The following HS6ST1 variants were observed in gnomAD, a reference collection of about 807,000 sequenced individuals.
HS6ST1 encodes heparan-sulfate 6-O-sulfotransferase 1.
Under a neutral mutation model 25.2 loss-of-function variants are expected in HS6ST1, and 3 were observed. The ratio of observed to expected loss-of-function variants is 0.12; its 90% confidence interval spans 0.05 to 0.31. The LOEUF is 0.31. Ranked by LOEUF, HS6ST1 falls within the 10% of genes least tolerant of loss-of-function variation. The pLI is 1.00. For synonymous variants in HS6ST1, 204 were observed against 275.1 expected, an observed-to-expected ratio of 0.74 and a Z score of 2.56; for missense variants, 310 against 609.6, an observed-to-expected ratio of 0.51 and a Z score of 5.18.
At chr2:128,311,626 C>T (rs1304143445) in intron 1 of HS6ST1, among the ~76,000 whole-genome samples, 1 of 152,358 alleles carries the variant, frequency 6.6e-6, no homozygotes, top group Admixed American at 6.5e-5. Flanking sequence ...TGCAGCCCCA[C>T]AAAATGCCAC....
chr2:128,314,335 G>A (rs941078510), intron 1 of HS6ST1, among the ~76,000 whole-genome samples: 2 of 152,136 alleles, frequency 1.3e-5, no homozygotes, highest in Non-Finnish European at 2.9e-5. Context: ...AAAGGGCAGG[G>A]ACAGAGCCCA....
At chr2:128,307,762 C>T (rs540168803) in intron 1 of HS6ST1, among the ~76,000 whole-genome samples, 59 of 152,264 alleles carry the variant, frequency 3.9e-4, no homozygotes, top group Middle Eastern at 6.8e-3. Flanking sequence ...CCAAGAGTGC[C>T]CGCCCAAACA....
intron 1 of HS6ST1, among the ~76,000 whole-genome samples, chr2:128,300,417 C>T (rs13410048): frequency 1.4e-3 from 210 of 152,282 alleles, no homozygotes; most frequent in African/African-American, 4.9e-3. Flanking sequence ...TTCCACAGTA[C>T]GCCTGCCCCC....
At chr2:128,282,876 C>T (rs747232033) in intron 1 of HS6ST1, among the ~76,000 whole-genome samples, 1 of 152,208 alleles carries the variant, frequency 6.6e-6, no homozygotes, top group African/African-American at 2.4e-5. Context: ...CCAGGTGCTG[C>T]AGGCCACAGC....
chr2:128,301,557 G>C (rs1050280077), intron 1 of HS6ST1, among the ~76,000 whole-genome samples: 1 of 152,182 alleles, frequency 6.6e-6, no homozygotes, highest in Non-Finnish European at 1.5e-5. Context: ...ACATCCCCAA[G>C]TGCCAACCAC....
At chr2:128,314,674 C>G (rs1233999993) in intron 1 of HS6ST1, among the ~76,000 whole-genome samples, 1 of 152,218 alleles carries the variant, frequency 6.6e-6, no homozygotes, top group Non-Finnish European at 1.5e-5. Context: ...TGCGCCATCC[C>G]TCCAGCAAGG....
intron 1 of HS6ST1, among the ~76,000 whole-genome samples, chr2:128,290,994 A>G (rs995562189): frequency 8.9e-5 from 13 of 146,016 alleles, no homozygotes; most frequent in Non-Finnish European, 2.0e-4. Context: ...TAAAAAAAAA[A>G]GTTCCTTAAT....
In HS6ST1 at chr2:128,267,152, A is replaced by T. The variant is rs1358429820; in HGVS notation, c.*1010T>A. 1 of 152,138 alleles carries T rather than the reference A, an allele frequency of 6.6e-6. No homozygotes were observed. Among genetic ancestry groups the T allele is most frequent in the African/African-American group, 2.4e-5 (1 of 41,420 alleles). 9.4% of individuals were successfully genotyped at this position (152,138 alleles called of 1,614,324 possible). On this transcript the variant is annotated 3_prime_UTR_variant, in exon 2 of 2. Coordinates refer to ENST00000259241, the MANE Select transcript of HS6ST1 (RefSeq NM_004807.3). ...GCTCCAGCCGATGGAAGCCTGATGAACTTAATCCGTACGCTGGTGGGAGCA... is the reference window on the plus strand; with the variant it reads ...GCTCCAGCCGATGGAAGCCTGATGATCTTAATCCGTACGCTGGTGGGAGCA...
chr2:128,274,963 CAAAAAAAA>C lies in HS6ST1; in HGVS notation c.528-6101_528-6094del, dbSNP rs56898137. Among the ~76,000 whole-genome samples, 227 of 51,238 alleles carry C rather than the reference CAAAAAAAA, an allele frequency of 4.4e-3. 2 individuals are homozygous for C. The highest frequency in any genetic ancestry group is 0.017 in the African/African-American group (220 of 13,194). 33.6% of individuals were successfully genotyped at this position (51,238 alleles called of 152,430 possible). A position where few individuals can be genotyped will look rare whatever the true frequency, so the allele number is the denominator to read the frequency against. On this transcript the variant is annotated intron_variant, in intron 1 of 1. Coordinates refer to ENST00000259241, the MANE Select transcript of HS6ST1 (RefSeq NM_004807.3). ...TGGGTGACAGAGCGAGACTCCGTCT[CAAAAAAAA>C]AAAAAAAAAAAAAAAAAAGGAGTTG... is the stretch of plus-strand genomic sequence containing the variant.
chr2:128,290,756 G>A (rs1693937759), intron 1 of HS6ST1, among the ~76,000 whole-genome samples: 1 of 144,144 alleles, frequency 6.9e-6, no homozygotes, highest in South Asian at 2.2e-4. Flanking sequence ...TGGATGACTT[G>A]AGGTCAGGAG....
intron 1 of HS6ST1, among the ~76,000 whole-genome samples, chr2:128,312,646 G>C (rs1239094035): frequency 6.6e-6 from 1 of 152,190 alleles, no homozygotes. Context: ...ACTGGGCATG[G>C]CTGCTCCCAA....
At chr2:128,308,085 A>G (rs965807655) in intron 1 of HS6ST1, among the ~76,000 whole-genome samples, 7 of 152,256 alleles carry the variant, frequency 4.6e-5, no homozygotes, top group Non-Finnish European at 5.9e-5. Flanking sequence ...AGTTAGTAAC[A>G]TCAAAACAGC....
intron 1 of HS6ST1, among the ~76,000 whole-genome samples, chr2:128,280,748 A>AG (rs1167595618): frequency 2.0e-5 from 3 of 151,540 alleles, no homozygotes; most frequent in Non-Finnish European, 4.4e-5. Context: ...AGGTCTGGAG[A>AG]GGGGCCCCAT....
intron 1 of HS6ST1, among the ~76,000 whole-genome samples, chr2:128,271,311 G>A (rs1032679912): frequency 1.2e-4 from 18 of 152,212 alleles, no homozygotes; most frequent in Admixed American, 1.2e-3. Flanking sequence ...ATGAGCCTTA[G>A]AGCCTGCTGG....
chr2:128,268,309 C>A lies in HS6ST1; in HGVS notation c.1089G>T (p.Arg363=). The change falls in exon 2 of 2, where the codon CGG becomes CGT. Residue 363 remains arginine, a synonymous_variant. Transcript: ENST00000259241. The part of the protein sequence containing the change: ...DLFQQRYQYK[R]QLERREQRLR... Reference sequence around the variant, plus strand: ...GGCGCTGCTCCCTGCGCTCCAGCTGCCGCTTGTACTGGTAGCGCTGCTGGA... The same window carrying A: ...GGCGCTGCTCCCTGCGCTCCAGCTGACGCTTGTACTGGTAGCGCTGCTGGA... The A allele has an allele frequency of 6.2e-7, 1 of 1,613,350 alleles. No individual in the cohort carries two copies. Among genetic ancestry groups the A allele is most frequent in the Non-Finnish European group, 8.5e-7 (1 of 1,179,848 alleles).
intron 1 of HS6ST1, among the ~76,000 whole-genome samples, chr2:128,274,297 C>A (rs1406106460): frequency 6.6e-6 from 1 of 152,150 alleles, no homozygotes; most frequent in African/African-American, 2.4e-5. Context: ...AAAGTTGACC[C>A]TTGAAGCATC....
chr2:128,307,137 C>A (rs534798803), intron 1 of HS6ST1, among the ~76,000 whole-genome samples: 1 of 152,124 alleles, frequency 6.6e-6, no homozygotes, highest in African/African-American at 2.4e-5. Context: ...CCAACACATG[C>A]GGCAAAATCG....
chr2:128,288,905 A>AC (rs1288288661), intron 1 of HS6ST1, among the ~76,000 whole-genome samples: 1 of 151,892 alleles, frequency 6.6e-6, no homozygotes, highest in Non-Finnish European at 1.5e-5. Flanking sequence ...CCTCCTGCTG[A>AC]CCCCACAGCA....
intron 1 of HS6ST1, among the ~76,000 whole-genome samples, chr2:128,278,968 C>T (rs1232037108): frequency 1.3e-5 from 2 of 152,106 alleles, no homozygotes; most frequent in African/African-American, 4.8e-5. Context: ...ACATAAACAA[C>T]CTAATAGGAA....
Sources: gnomAD v4.1 joint callset for allele counts (sites outside exome capture counted in the v4.1 genomes callset) on GRCh38, gnomAD v4.1.1 for gene constraint, MANE v1.5 for transcripts, NCBI Gene and HGNC (gene_info 2026-07-23, HGNC 2026-07-21) for gene names.